Variants in ADGRL2 observed in about 807,000 individuals in gnomAD.
The protein encoded by ADGRL2 is calcium-independent alpha-latrotoxin receptor 2.
Under a neutral mutation model 157.4 loss-of-function variants are expected in ADGRL2, and 44 were observed. The ratio of observed to expected loss-of-function variants is 0.28; its 90% CI spans 0.22 to 0.36. ADGRL2 has a LOEUF of 0.36. ADGRL2 is among the 10% of genes least tolerant of loss of function. The pLI, the probability that ADGRL2 is intolerant of heterozygous loss-of-function variation, is 1.00. For synonymous variants in ADGRL2, 585 were observed against 624.7 expected (o/e 0.94, Z 0.95); for missense variants, 1,510 against 1,768.9 (o/e 0.85, Z 2.63).
intron 1 of ADGRL2, among the ~76,000 whole-genome samples, chr1:81,371,472 C>T (rs1261597912): frequency 6.6e-6 from 1 of 152,158 alleles, no homozygotes; most frequent in Non-Finnish European, 1.5e-5. Context: ...AAATCTTACA[C>T]GTTTCTATTA....
At chr1:81,312,453 G>C (rs932399470) in intron 1 of ADGRL2, among the ~76,000 whole-genome samples, 2 of 152,174 alleles carry the variant, frequency 1.3e-5, no homozygotes, top group African/African-American at 4.8e-5. Flanking sequence ...GTTCACAAAC[G>C]TGGATAGAAA....
rs11810896 is a variant in ADGRL2, at chr1:81,824,200, A to T, written c.-100-12685A>T. Reference sequence around the variant, plus strand: ...CTTGAACAAAGTATGTACCCAAAAAATTTTTTAGGCTTGGTTTGAAAAGAT... The same window carrying T: ...CTTGAACAAAGTATGTACCCAAAAATTTTTTTAGGCTTGGTTTGAAAAGAT... On this transcript the variant is annotated intron_variant, in intron 1 of 23. Transcript: ENST00000686636. Among the ~76,000 whole-genome samples the T allele has an allele frequency of 1.4e-3, 208 of 152,300 alleles. 2 individuals are homozygous for T. Among genetic ancestry groups the T allele is most frequent in the African/African-American group, 4.7e-3 (196 of 41,570 alleles).
At chr1:81,474,023 A>G (rs1355163116) in intron 2 of ADGRL2, among the ~76,000 whole-genome samples, 1 of 152,136 alleles carries the variant, frequency 6.6e-6, no homozygotes, top group Non-Finnish European at 1.5e-5. Context: ...GAGGAGAAGA[A>G]GAGGGAGAAC....
At chr1:81,882,889 A>G (rs963006522) in intron 2 of ADGRL2, among the ~76,000 whole-genome samples, 6 of 152,182 alleles carry the variant, frequency 3.9e-5, no homozygotes, top group Non-Finnish European at 8.8e-5. Context: ...TGACCCAATT[A>G]CTTAGTGGTT....
chr1:81,524,184 C>T (rs1006976530), intron 2 of ADGRL2, among the ~76,000 whole-genome samples: 1 of 148,692 alleles, frequency 6.7e-6, no homozygotes, highest in Non-Finnish European at 1.5e-5. Context: ...CACAGTGAAA[C>T]CCCATCTCTA....
Position 81,358,343 on chromosome 1 carries a change from T to A in ADGRL2, c.-302+51834T>A, listed in dbSNP as rs2075906504. 3.9e-5 allele frequency among the ~76,000 whole-genome samples: 6 copies of A among 152,282 alleles called. No individual in the cohort carries two copies. In the South Asian group the frequency reaches 1.2e-3, roughly 32 times the overall value. On this transcript the variant is annotated intron_variant, in intron 1 of 24. Transcript: ENST00000370721. ...GTGACCTCGGCTCTCTTGGAATGAATGTGTCTTGATGACTAAGTTGAAGAT... is the reference window on the plus strand; with the variant it reads ...GTGACCTCGGCTCTCTTGGAATGAAAGTGTCTTGATGACTAAGTTGAAGAT...
intron 2 of ADGRL2, among the ~76,000 whole-genome samples, chr1:81,885,503 A>T (rs2094107819): frequency 6.6e-6 from 1 of 152,164 alleles, no homozygotes; most frequent in Non-Finnish European, 1.5e-5. Flanking sequence ...CTGCTTACTT[A>T]GTTAATTACT....
chr1:81,829,240 G>C (rs1200247517), intron 1 of ADGRL2, among the ~76,000 whole-genome samples: 2 of 152,172 alleles, frequency 1.3e-5, no homozygotes, highest in Non-Finnish European at 2.9e-5. Flanking sequence ...ACCAAACACA[G>C]AGTTTCAGGC....
rs572745027 is a variant in ADGRL2, at chr1:81,392,975, C to T, written c.-301-52061C>T. ...AACCATACTTCCATAAAATTCCTTT[C>T]CTCTTTCACTGTTTGTACACACTCT... On this transcript the variant is annotated intron_variant, in intron 1 of 24. Transcript: ENST00000370721. Among the ~76,000 whole-genome samples, 113 of 152,146 alleles carry T rather than the reference C, an allele frequency of 7.4e-4. 1 individual carries two copies. In the South Asian group the frequency reaches 8.1e-3, roughly 11 times the overall value.
rs181563226 is a variant in ADGRL2, at chr1:81,902,455, G to C, written c.74-4562G>C. Among the ~76,000 whole-genome samples the C allele has an allele frequency of 9.2e-5, 14 of 152,106 alleles. No homozygotes were observed. The East Asian group carries it at 1.7e-3, about 19-fold the overall frequency. ...TCTACTAAAAATACAAAAATTAGCC[G>C]GTCATGGTGGTGCGCACCTGTGGTC... is the stretch of plus-strand genomic sequence containing the variant. On this transcript the variant is annotated intron_variant, in intron 2 of 23. Transcript: ENST00000686636.
intron 2 of ADGRL2, among the ~76,000 whole-genome samples, chr1:81,766,789 C>T (rs1264130086): frequency 6.9e-6 from 1 of 144,088 alleles, no homozygotes; most frequent in East Asian, 2.0e-4. Context: ...GAGATTGCAC[C>T]ATTGCACTCC....
rs111875859 is a variant in ADGRL2, at chr1:81,850,529, A to G, written c.73+13472A>G. Among the ~76,000 whole-genome samples, 596 of 152,096 alleles carry G rather than the reference A, an allele frequency of 3.9e-3. 4 individuals carry two copies. The highest frequency in any genetic ancestry group is 0.014 in the African/African-American group (577 of 41,558). On this transcript the variant is annotated intron_variant, in intron 2 of 23. Coordinates refer to ENST00000686636, the MANE Select transcript of ADGRL2 (RefSeq NM_001366006.2). The stretch of plus-strand genomic sequence containing the variant: ...GACTTCAAAGTGAGGTTTTCCTCCC[A>G]TAGCACAAATGAAGCTATATAACTG...
chr1:81,689,403 A>G (rs1002353259), intron 3 of ADGRL2, among the ~76,000 whole-genome samples: 1 of 152,156 alleles, frequency 6.6e-6, no homozygotes, highest in Non-Finnish European at 1.5e-5. Flanking sequence ...GAAATATATG[A>G]CTCAGTCTCT....
chr1:81,843,013 T>C (rs1314337938), intron 2 of ADGRL2, among the ~76,000 whole-genome samples: 7 of 152,194 alleles, frequency 4.6e-5, no homozygotes, highest in African/African-American at 2.4e-5. Context: ...GAGTCACAAC[T>C]CCCATTAAAT....
At chr1:81,367,972 G>C (rs970170959) in intron 1 of ADGRL2, among the ~76,000 whole-genome samples, 1 of 152,134 alleles carries the variant, frequency 6.6e-6, no homozygotes, top group Non-Finnish European at 1.5e-5. Flanking sequence ...ATTGTGAATG[G>C]TGCTATAGTG....
chr1:81,670,941 C>G (rs2082862720), intron 3 of ADGRL2, among the ~76,000 whole-genome samples: 2 of 152,212 alleles, frequency 1.3e-5, no homozygotes, highest in African/African-American at 4.8e-5. Flanking sequence ...AACTCCTGAG[C>G]TAAAGTGATC....
At chr1:81,942,918 T>C (rs767655251) in intron 5 of ADGRL2, 51 bp from the exon 6 acceptor site, 6 of 1,346,916 alleles carry the variant, frequency 4.5e-6, no homozygotes, top group East Asian at 4.6e-5. Flanking sequence ...CTTGTTTGCC[T>C]GTGTAATTTT....
chr1:81,855,127 G>C (rs1483806009), intron 2 of ADGRL2, among the ~76,000 whole-genome samples: 3 of 152,054 alleles, frequency 2.0e-5, no homozygotes, highest in Non-Finnish European at 2.9e-5. Context: ...TACAAAACTG[G>C]AAAGTGCATG....
At chr1:81,361,636 T>G (rs1000367193) in intron 1 of ADGRL2, among the ~76,000 whole-genome samples, 5 of 151,962 alleles carry the variant, frequency 3.3e-5, no homozygotes, top group Non-Finnish European at 7.4e-5. Flanking sequence ...CTCAATTGCT[T>G]AGAAAAATAA....
Sources: gnomAD v4.1 joint callset for allele counts (sites outside exome capture counted in the v4.1 genomes callset) on GRCh38, gnomAD v4.1.1 for gene constraint, MANE v1.5 for transcripts, NCBI Gene and HGNC (gene_info 2026-07-23, HGNC 2026-07-21) for gene names.